The following CSAD variants were observed in gnomAD, a reference collection of about 807,000 sequenced individuals.
The protein encoded by CSAD is P-selectin cytoplasmic tail-associated protein.
Under a neutral mutation model 61.5 loss-of-function variants are expected in CSAD, and 47 were observed. The observed-to-expected ratio is 0.76, with a 90% CI of 0.60 to 0.97. The LOEUF (loss-of-function observed/expected upper bound fraction) is 0.97, where lower values mean the gene tolerates loss of function less well. CSAD is among the 50% of genes least tolerant of loss of function. The probability of loss-of-function intolerance (pLI) is 0.00; values close to 1 mark genes in which losing one functional copy is unlikely to be tolerated. For synonymous variants in CSAD, 245 were observed against 252.7 expected, an observed-to-expected ratio of 0.97 and a Z score of 0.29; for missense variants, 611 against 643.6, an observed-to-expected ratio of 0.95 and a Z score of 0.55.
chr12:53,160,096 G>A (rs374062804), intron 14 of CSAD, 24 bp downstream of exon 14: 69 of 1,611,172 alleles, frequency 4.3e-5, no homozygotes, highest in Non-Finnish European at 5.2e-5. Context: ...GAACAGGGAC[G>A]ACCCCCCACC....
chr12:53,177,296 C>A (rs567929310), intron 2 of CSAD, among the ~76,000 whole-genome samples: 2 of 152,210 alleles, frequency 1.3e-5, no homozygotes, highest in Admixed American at 6.5e-5. Flanking sequence ...CTAGCAAAGA[C>A]AGAAATGTTT....
chr12:53,171,543 G>T, intron 7 of CSAD, 102 bp from the exon 8 acceptor site: 2 of 1,134,784 alleles, frequency 1.8e-6, no homozygotes, highest in Non-Finnish European at 1.3e-6. Context: ...AAAGAAGCAG[G>T]TATGACTGGC....
chr12:53,181,216 G>C (rs1941614030), upstream of CSAD: 1 of 985,472 alleles, frequency 1.0e-6, no homozygotes, highest in Non-Finnish European at 1.2e-6. Flanking sequence ...TCCGCAGCAA[G>C]TTTCCCTACC....
chr12:53,178,192 G>C (rs1941250303), intron 2 of CSAD, among the ~76,000 whole-genome samples: 1 of 152,044 alleles, frequency 6.6e-6, no homozygotes, highest in Non-Finnish European at 1.5e-5. Context: ...TACATATCCG[G>C]CCAGGCATGG....
In CSAD at chr12:53,158,429, C is replaced by G. The variant is rs936588516; in HGVS notation, c.*82G>C. 6.9e-7 allele frequency: 1 copy of G among 1,454,620 alleles called. No individual in the cohort carries two copies. The highest frequency in any genetic ancestry group is 1.4e-5 in the African/African-American group (1 of 70,918). The allele number at this position is 1,454,620 out of a possible 1,614,324, so 90.1% of individuals were successfully genotyped here. ...GGGATTACAGGCGTGAGCCACTGCA[C>G]CCGGCCTCAAAGGCTGGGAGGGAAT... On this transcript the variant is annotated 3_prime_UTR_variant, in exon 17 of 17. Coordinates refer to ENST00000444623, the MANE Select transcript of CSAD (RefSeq NM_001244705.2).
intron 2 of CSAD, among the ~76,000 whole-genome samples, chr12:53,176,421 AC>A (rs1248304820): frequency 6.6e-6 from 1 of 151,216 alleles, no homozygotes; most frequent in African/African-American, 2.4e-5. Context: ...AAAAAAAAAA[AC>A]AAGAATACCA....
chr12:53,159,981 A>G, intron 14 of CSAD, 43 bp from the exon 15 acceptor site: 1 of 1,602,442 alleles, frequency 6.2e-7, no homozygotes, highest in Non-Finnish European at 8.5e-7. Context: ...GAGGAAAAGC[A>G]GAGATCCAGA....
chr12:53,161,330 G>T lies in CSAD; in HGVS notation c.762C>A (p.Asp254Glu). 1 of 1,614,112 alleles carries T rather than the reference G, an allele frequency of 6.2e-7. No homozygotes were observed. Among genetic ancestry groups the T allele is most frequent in the Non-Finnish European group, 8.5e-7 (1 of 1,180,034 alleles). ...TSGTTVLGAF[D>E]PLEAIADVCQ... ...ACACATCAGCAATTGCCTCCAGGGG[G>T]TCAAAGGCCCCTAGCACAGTGGTGC... The change falls in exon 11 of 17, where the codon GAC (aspartate) becomes GAA (glutamate). Residue 254 changes from aspartate (D) to glutamate (E), a missense_variant. Transcript: ENST00000444623.
chr12:53,162,263 A>G (rs2121412080), intron 10 of CSAD, among the ~76,000 whole-genome samples: 1 of 151,376 alleles, frequency 6.6e-6, no homozygotes, highest in Non-Finnish European at 1.5e-5. Flanking sequence ...AAAGAGCAAG[A>G]TTCTGTCTCA....
chr12:53,172,478 A>G (rs561626529), intron 5 of CSAD, 42 bp from the exon 6 acceptor site: 22 of 1,613,990 alleles, frequency 1.4e-5, no homozygotes, highest in Non-Finnish European at 1.9e-5. Context: ...AGTAGAGCTC[A>G]GGGCAAACTC....
chr12:53,171,998 G>A lies in CSAD; in HGVS notation c.345-10C>T. The A allele has an allele frequency of 6.2e-7, 1 of 1,601,176 alleles. No homozygotes were observed. Among genetic ancestry groups the A allele is most frequent in the Non-Finnish European group, 8.6e-7 (1 of 1,168,574 alleles). On this transcript the variant is annotated splice_polypyrimidine_tract_variant and intron_variant, in intron 6 of 16. Coordinates refer to ENST00000444623, the MANE Select transcript of CSAD (RefSeq NM_001244705.2). ...GATTTCATATGTGTACCTGCCAGGA[G>A]AGAGAACGACGAGAAAGGAGAGATG...
At chr12:53,167,618 T>C (rs1940085942) in intron 10 of CSAD, among the ~76,000 whole-genome samples, 1 of 152,174 alleles carries the variant, frequency 6.6e-6, no homozygotes, top group Non-Finnish European at 1.5e-5. Context: ...GGCCAATAAG[T>C]ACATGACAAG....
chr12:53,165,950 T>C (rs1939886486), intron 10 of CSAD, among the ~76,000 whole-genome samples: 1 of 152,190 alleles, frequency 6.6e-6, no homozygotes, highest in Non-Finnish European at 1.5e-5. Context: ...TGAAATATTA[T>C]TCAGCCTTAA....
At chr12:53,164,400 C>A in intron 10 of CSAD, 1 of 233,896 alleles carries the variant, frequency 4.3e-6, no homozygotes, top group Non-Finnish European at 9.6e-6. Context: ...ATTATGCAGC[C>A]ATAAAAAAGA....
intron 2 of CSAD, among the ~76,000 whole-genome samples, chr12:53,177,455 T>A (rs915838146): frequency 6.6e-6 from 1 of 152,128 alleles, no homozygotes; most frequent in African/African-American, 2.4e-5. Flanking sequence ...ATACAAATGA[T>A]CTACCTTTTT....
At chr12:53,179,674 A>G in intron 1 of CSAD, 1 of 1,105,176 alleles carries the variant, frequency 9.0e-7, no homozygotes, top group Non-Finnish European at 1.3e-6. Flanking sequence ...TGTCTACAAA[A>G]AAAAAAAAGT....
Position 53,171,920 on chromosome 12 carries a change from A to G in CSAD, c.413T>C (p.Leu138Pro). Residue 138 changes from leucine to proline, a missense_variant, in exon 7 of 17, where the codon CTG becomes CCG. Leu to Pro is a moderately conservative substitution (Grantham distance 98, BLOSUM62 -3). Transcript: ENST00000444623. ...EEEVLRKLRALVGWSSGDGIF... is the reference protein window; with the variant it reads ...EEEVLRKLRAPVGWSSGDGIF... The stretch of plus-strand genomic sequence containing the variant: ...TCCGTCCCCAGAGCTCCAGCCCACC[A>G]GGGCCCGCAGTTTCCTCAGCACCTC... The G allele has an allele frequency of 1.2e-6, 2 of 1,613,744 alleles. No individual in the cohort carries two copies. The highest frequency in any genetic ancestry group is 1.7e-6 in the Non-Finnish European group (2 of 1,179,668).
intron 1 of CSAD, chr12:53,179,720 T>C: frequency 1.4e-6 from 2 of 1,430,010 alleles, no homozygotes; most frequent in Non-Finnish European, 1.9e-6. Context: ...ATACAGTTTT[T>C]TTTTTCTTTT....
intron 4 of CSAD, among the ~76,000 whole-genome samples, chr12:53,172,900 A>C (rs1159739280): frequency 6.6e-6 from 1 of 152,202 alleles, no homozygotes; most frequent in Non-Finnish European, 1.5e-5. Flanking sequence ...TCTGAGCCAG[A>C]TTTGGAAAGA....
Sources: allele counts gnomAD v4.1 joint callset (sites outside exome capture counted in the v4.1 genomes callset), GRCh38; gene constraint gnomAD v4.1.1; transcripts MANE v1.5; gene names NCBI Gene and HGNC (gene_info 2026-07-23, HGNC 2026-07-21).